The following ASCC2 variants were observed in gnomAD, a reference collection of about 807,000 sequenced individuals.
ASCC2 encodes the protein ASC-1 complex subunit P100.
A neutral mutation model predicts 93.5 loss-of-function variants in ASCC2; 42 were observed. The observed-to-expected ratio is 0.45, with a 90% CI of 0.35 to 0.58. The LOEUF is 0.58. Among genes scored for constraint, ASCC2 ranks in the 20% least tolerant of loss-of-function variants. The pLI is 0.00. For synonymous variants in ASCC2, 364 were observed against 384.2 expected (o/e 0.95, Z 0.62); for missense variants, 859 against 977.6 (o/e 0.88, Z 1.62).
Position 29,832,252 on chromosome 22 carries a change from G to A in ASCC2, c.74C>T (p.Pro25Leu), listed in dbSNP as rs1043824204. ...DPKTGKLRTS[P>L]ALHPEQKADR... ...CTTAAGTGACCGGCTCACCAGCGCT[G>A]GTGAAGTCCTCAGCTTTCCTGTCTT... is the stretch of plus-strand genomic sequence containing the variant. The change falls in exon 2 of 20, where the codon CCA (proline) becomes CTA (leucine). Residue 25 changes from proline (P) to leucine (L), a missense_variant. Transcript: ENST00000307790. 1.2e-6 allele frequency: 2 copies of A among 1,613,222 alleles called. No homozygotes were observed. Among genetic ancestry groups the A allele is most frequent in the African/African-American group, 2.7e-5 (2 of 74,890 alleles).
rs2147399004 is a variant in ASCC2 at position 29,793,695 on chromosome 22, AAG to A, written c.1689-21_1689-20del. The stretch of plus-strand genomic sequence containing the variant: ...CCTGGTGCTGAGAAGGAACAGCAGA[AAG>A]AGAGGAAGGAAAACCATCAGGCTTG... On this transcript the variant is annotated intron_variant, in intron 15 of 19. Coordinates refer to ENST00000307790, the MANE Select transcript of ASCC2 (RefSeq NM_032204.5). 1.3e-6 allele frequency: 2 copies of A among 1,546,574 alleles called. No homozygotes were observed. The highest frequency in any genetic ancestry group is 2.4e-5 in the East Asian group (1 of 41,000).
rs535275116 is a variant in ASCC2 at position 29,819,929 on chromosome 22, A to T, written c.541+2406T>A. Reference sequence around the variant, plus strand: ...GGCTGGAGTGTAGTGGTGTGATCATAGTTCACTACAGCCTCAACATCCTAG... The same window carrying T: ...GGCTGGAGTGTAGTGGTGTGATCATTGTTCACTACAGCCTCAACATCCTAG... On this transcript the variant is annotated intron_variant, in intron 5 of 19. Coordinates refer to ENST00000307790, the MANE Select transcript of ASCC2 (RefSeq NM_032204.5). Among the ~76,000 whole-genome samples, 12 of 149,982 alleles carry T rather than the reference A, an allele frequency of 8.0e-5. No homozygotes were observed. In the East Asian group the frequency reaches 2.4e-3, roughly 30 times the overall value.
intron 9 of ASCC2, among the ~76,000 whole-genome samples, chr22:29,807,235 CAAA>C (rs553545816): frequency 1.3e-4 from 6 of 46,466 alleles, no homozygotes; most frequent in Non-Finnish European, 1.8e-4. Context: ...GACCCTGTCT[CAAA>C]AAAAAAAAAA....
intron 11 of ASCC2, 34 bp downstream of exon 11, chr22:29,806,451 G>C: frequency 6.2e-7 from 1 of 1,607,548 alleles, no homozygotes; most frequent in Non-Finnish European, 8.5e-7. Context: ...CCTGTGGGAG[G>C]GTCATGGGCC....
intron 14 of ASCC2, among the ~76,000 whole-genome samples, chr22:29,801,452 G>T (rs1392449602): frequency 4.6e-5 from 7 of 152,220 alleles, no homozygotes; most frequent in Admixed American, 4.6e-4. Context: ...TTGTGCCTCA[G>T]AGGCTGAGGA....
chr22:29,833,460 G>C (rs1395122688), intron 1 of ASCC2: 1 of 383,332 alleles, frequency 2.6e-6, no homozygotes. Flanking sequence ...GAAGGACGTG[G>C]AAAAAGAGAA....
At chr22:29,792,002 T>G (rs1244518405) in intron 18 of ASCC2, among the ~76,000 whole-genome samples, 1 of 152,202 alleles carries the variant, frequency 6.6e-6, no homozygotes, top group East Asian at 1.9e-4. Flanking sequence ...ACGTTGAGGT[T>G]CTAGTTAAGA....
intron 5 of ASCC2, among the ~76,000 whole-genome samples, chr22:29,820,725 G>A (rs1602120434): frequency 6.6e-6 from 1 of 151,594 alleles, no homozygotes; most frequent in Non-Finnish European, 1.5e-5. Context: ...ACCTGAGGTC[G>A]GGAGTTCGAG....
chr22:29,828,908 C>T (rs562671676), intron 2 of ASCC2, among the ~76,000 whole-genome samples: 1 of 152,308 alleles, frequency 6.6e-6, no homozygotes, highest in South Asian at 2.1e-4. Context: ...GGTACAGTGG[C>T]TCATGCCTGT....
chr22:29,823,125 G>A (rs1217638960), intron 4 of ASCC2, among the ~76,000 whole-genome samples: 3 of 152,018 alleles, frequency 2.0e-5, no homozygotes, highest in East Asian at 1.9e-4. Context: ...TGCAACCTCC[G>A]CCTCCCAGGT....
At chr22:29,826,893 C>T (rs111544340) in intron 2 of ASCC2, among the ~76,000 whole-genome samples, 8,303 of 151,724 alleles carry the variant, frequency 0.055, 276 homozygotes, top group South Asian at 0.1. Context: ...GTCAGGAGAT[C>T]GAGACCATCC....
chr22:29,789,257 G>C, intron 19 of ASCC2, 73 bp from the exon 20 acceptor site: 1 of 1,563,826 alleles, frequency 6.4e-7, no homozygotes, highest in Non-Finnish European at 8.8e-7. Flanking sequence ...CCCACAGCCT[G>C]CCTTGGTGTT....
At chr22:29,806,380 G>T in intron 11 of ASCC2, 90 bp from the exon 12 acceptor site, 1 of 1,566,108 alleles carries the variant, frequency 6.4e-7, no homozygotes, top group South Asian at 1.1e-5. Flanking sequence ...TTTGCAGCCC[G>T]ACCTTATTAG....
intron 5 of ASCC2, among the ~76,000 whole-genome samples, chr22:29,816,393 A>T (rs1451026275): frequency 6.6e-6 from 1 of 152,178 alleles, no homozygotes; most frequent in African/African-American, 2.4e-5. Flanking sequence ...GAGTGATCAC[A>T]CTTGGGTACC....
intron 5 of ASCC2, among the ~76,000 whole-genome samples, chr22:29,819,011 G>A (rs890223124): frequency 4.9e-4 from 75 of 152,238 alleles, no homozygotes; most frequent in African/African-American, 1.4e-3. Flanking sequence ...CCTGCATGTG[G>A]CCAGATGAAT....
chr22:29,797,510 G>A (rs889248999), intron 15 of ASCC2, among the ~76,000 whole-genome samples: 11 of 152,198 alleles, frequency 7.2e-5, no homozygotes, highest in Non-Finnish European at 1.2e-4. Context: ...TCCTGATTCA[G>A]GTCTGCTTTG....
In ASCC2 at chr22:29,825,473, CAG is replaced by C. The variant is rs2062178369; in HGVS notation, c.240+147_240+148del. 7 of 1,226,146 alleles carry C rather than the reference CAG, an allele frequency of 5.7e-6. No homozygotes were observed. Among genetic ancestry groups the C allele is most frequent in the Admixed American group, 4.2e-5 (2 of 47,202 alleles). The allele number at this position is 1,226,146 out of a possible 1,614,324, so 76.0% of individuals were successfully genotyped here. Reference sequence around the variant, plus strand: ...TAAACATTAAGATTGTGATACAAGACAGAGCAATCCGAACCACAATTTGCTGT... The same window carrying C: ...TAAACATTAAGATTGTGATACAAGACAGCAATCCGAACCACAATTTGCTGT... On this transcript the variant is annotated intron_variant, in intron 3 of 19. Coordinates refer to ENST00000307790, the MANE Select transcript of ASCC2 (RefSeq NM_032204.5). This position sits in a 1 kb window ranked among gnomAD's most constrained non-coding sequence, Gnocchi z 4.9.
rs555198931 is a variant in ASCC2, at chr22:29,806,410, C to T, written c.1085+75G>A. 1.6e-4 allele frequency: 246 copies of T among 1,573,902 alleles called. 1 individual carries two copies. In the East Asian group the frequency reaches 1.8e-3, roughly 12 times the overall value. On this transcript the variant is annotated intron_variant, in intron 11 of 19. Transcript: ENST00000307790. ...TATTAGAGCTGTGGTGGGCCTATAGCGGGGGTCTATCATGTAAGGCCTCTT... is the reference window on the plus strand; with the variant it reads ...TATTAGAGCTGTGGTGGGCCTATAGTGGGGGTCTATCATGTAAGGCCTCTT...
intron 2 of ASCC2, among the ~76,000 whole-genome samples, chr22:29,831,915 G>T (rs2063202612): frequency 6.6e-6 from 1 of 152,192 alleles, no homozygotes; most frequent in Non-Finnish European, 1.5e-5. Context: ...ACCCTCCACA[G>T]GGTCAAATCC....
Sources: gnomAD v4.1 joint callset for allele counts (sites outside exome capture counted in the v4.1 genomes callset) on GRCh38, gnomAD v4.1.1 for gene constraint, Gnocchi (gnomAD v3.1) non-coding constraint, MANE v1.5 for transcripts, NCBI Gene and HGNC (gene_info 2026-07-23, HGNC 2026-07-21) for gene names.